The following FAM228A variants were observed in gnomAD, a reference collection of about 807,000 sequenced individuals.
FAM228A encodes the protein family with sequence similarity 228 member A.
FAM228A carries 13 observed loss-of-function variants against 18.6 expected under a neutral mutation model. The ratio of observed to expected loss-of-function variants is 0.70; its 90% CI spans 0.45 to 1.11. The LOEUF (loss-of-function observed/expected upper bound fraction) is 1.11. Among genes scored for constraint, FAM228A ranks in the 50% least tolerant of loss-of-function variants. FAM228A has a pLI of 0.00. For synonymous variants in FAM228A, 77 were observed against 86.6 expected (o/e 0.89, Z 0.61); for missense variants, 240 against 242.2 (o/e 0.99, Z 0.06).
chr2:24,180,024 T>G (rs891033498), intron 3 of FAM228A, among the ~76,000 whole-genome samples: 3 of 152,250 alleles, frequency 2.0e-5, no homozygotes, highest in African/African-American at 7.2e-5. Flanking sequence ...AAATTTGGTT[T>G]CTTAATTTAG....
At chr2:24,178,981 G>T in intron 3 of FAM228A, 1 of 203,350 alleles carries the variant, frequency 4.9e-6, no homozygotes, top group Non-Finnish European at 1.1e-5. Context: ...ATCTTATACT[G>T]GGACTTTGCA....
At chr2:24,178,879 C>G (rs1413127057) in intron 3 of FAM228A, among the ~76,000 whole-genome samples, 1 of 152,190 alleles carries the variant, frequency 6.6e-6, no homozygotes, top group Non-Finnish European at 1.5e-5. Flanking sequence ...GTGGTTAAAT[C>G]TGAAGGCACA....
intron 1 of FAM228A, 34 bp downstream of exon 1, chr2:24,175,208 C>T: frequency 2.4e-6 from 1 of 412,226 alleles, no homozygotes; most frequent in South Asian, 2.5e-5. Flanking sequence ...GCCTGGGGGT[C>T]GCGGAGCCCA....
At chr2:24,179,804 C>T (rs1429413954) in intron 3 of FAM228A, among the ~76,000 whole-genome samples, 1 of 152,122 alleles carries the variant, frequency 6.6e-6, no homozygotes, top group Non-Finnish European at 1.5e-5. Flanking sequence ...CCCAGAGGCC[C>T]CTAGCCAACT....
chr2:24,175,382 G>T, intron 1 of FAM228A, 85 bp from the exon 2 acceptor site: 1 of 969,840 alleles, frequency 1.0e-6, no homozygotes, highest in Non-Finnish European at 1.6e-6. Context: ...GGGCCGAGCG[G>T]GATTTGAACA....
intron 2 of FAM228A, 124 bp from the exon 3 acceptor site, chr2:24,177,678 A>G (rs931580918): frequency 7.1e-6 from 4 of 563,800 alleles, no homozygotes; most frequent in Admixed American, 7.1e-5. Context: ...AATTTTCCAT[A>G]TTTTTATGTT....
rs1668075519 is a variant in FAM228A at position 24,191,175 on chromosome 2, C to T, written c.*544C>T. 1 of 985,594 alleles carries T rather than the reference C, an allele frequency of 1.0e-6. No homozygotes were observed. The highest frequency in any genetic ancestry group is 4.7e-5 in the South Asian group (1 of 21,300). The allele number at this position is 985,594 out of a possible 1,614,324, so 61.1% of individuals were successfully genotyped here. ...GTTTTCAGCTCCTGGTCTATTTCCCCTTCCATTCTCTCCGCCACGCCCTGT... is the reference window on the plus strand; with the variant it reads ...GTTTTCAGCTCCTGGTCTATTTCCCTTTCCATTCTCTCCGCCACGCCCTGT... On this transcript the variant is annotated 3_prime_UTR_variant, in exon 6 of 6. Transcript: ENST00000295150.
Position 24,187,026 on chromosome 2 carries a change from A to T in FAM228A, c.401+3381A>T, listed in dbSNP as rs752308599. On this transcript the variant is annotated intron_variant, in intron 5 of 5. Coordinates refer to ENST00000295150, the MANE Select transcript of FAM228A (RefSeq NM_001040710.3). The stretch of plus-strand genomic sequence containing the variant: ...AATGTAGAGAGTGCAACACATTCCT[A>T]TGTACCTATCACCCAGGTTCAGCAG... Among the ~76,000 whole-genome samples the T allele has an allele frequency of 2.0e-5, 3 of 152,140 alleles. 1 individual carries two copies. The highest frequency in any genetic ancestry group is 4.4e-5 in the Non-Finnish European group (3 of 68,034).
chr2:24,190,961 T>C lies in FAM228A; in HGVS notation c.*330T>C, dbSNP rs1222704443. Reference sequence around the variant, plus strand: ...CACTTTCCTACCATTTTCCACTTACTCCATCCAAACTGCACCAAAGATGGT... The same window carrying C: ...CACTTTCCTACCATTTTCCACTTACCCCATCCAAACTGCACCAAAGATGGT... On this transcript the variant is annotated 3_prime_UTR_variant, in exon 6 of 6. Transcript: ENST00000295150. 1 of 1,059,576 alleles carries C rather than the reference T, an allele frequency of 9.4e-7. No homozygotes were observed. Among genetic ancestry groups the C allele is most frequent in the Admixed American group, 5.1e-5 (1 of 19,672 alleles). The allele number at this position is 1,059,576 out of a possible 1,614,324, so 65.6% of individuals were successfully genotyped here.
rs2151050615 is a variant in FAM228A, at chr2:24,190,865, C to T, written c.*234C>T. 6 of 1,219,574 alleles carry T rather than the reference C, an allele frequency of 4.9e-6. No homozygotes were observed. Among genetic ancestry groups the T allele is most frequent in the Non-Finnish European group, 6.1e-6 (6 of 977,346 alleles). 75.5% of individuals were successfully genotyped at this position (1,219,574 alleles called of 1,614,324 possible). A position where few individuals can be genotyped will look rare whatever the true frequency, so the allele number is the denominator to read the frequency against. ...ACATCCTGTCCTTCCGAGGTGAGGG[C>T]CAACCTGGCCACAGGGGCTTTTCCC... On this transcript the variant is annotated 3_prime_UTR_variant, in exon 6 of 6. Coordinates refer to ENST00000295150, the MANE Select transcript of FAM228A (RefSeq NM_001040710.3).
Position 24,190,716 on chromosome 2 carries a change from GGAGA to G in FAM228A, c.*86_*89del, listed in dbSNP as rs1668063224. On this transcript the variant is annotated 3_prime_UTR_variant, in exon 6 of 6. Transcript: ENST00000295150. ...AGAAGAAGGGTGTGAAGAGGAGGAG[GGAGA>G]AATGGCGGTGGCCTCAGGCTCAGCA... 1.4e-6 allele frequency: 2 copies of G among 1,442,090 alleles called. No individual in the cohort carries two copies. Among genetic ancestry groups the G allele is most frequent in the East Asian group, 5.0e-5 (2 of 40,216 alleles). 89.3% of individuals were successfully genotyped at this position (1,442,090 alleles called of 1,614,324 possible). A position where few individuals can be genotyped will look rare whatever the true frequency, so the allele number is the denominator to read the frequency against.
intron 3 of FAM228A, chr2:24,179,190 A>G: frequency 8.6e-7 from 1 of 1,156,186 alleles, no homozygotes; most frequent in Non-Finnish European, 1.1e-6. Flanking sequence ...TGGGTTGAAA[A>G]TGTTGCAGAG....
At chr2:24,178,267 A>G (rs1311381220) in intron 3 of FAM228A, among the ~76,000 whole-genome samples, 1 of 152,232 alleles carries the variant, frequency 6.6e-6, no homozygotes, top group Non-Finnish European at 1.5e-5. Flanking sequence ...TCACTACGAA[A>G]TTAGCTTAAG....
intron 3 of FAM228A, among the ~76,000 whole-genome samples, chr2:24,181,645 C>G (rs1402081635): frequency 2.6e-5 from 4 of 152,164 alleles, no homozygotes; most frequent in Non-Finnish European, 5.9e-5. Context: ...CTTGGCTTCC[C>G]AAAGTGCTGG....
chr2:24,175,681 G>C, intron 2 of FAM228A, 108 bp downstream of exon 2: 2 of 885,734 alleles, frequency 2.3e-6, no homozygotes, highest in Non-Finnish European at 3.6e-6. Flanking sequence ...GACAGTGCCT[G>C]CTTTAAAGCA....
At position 24,183,592 on chromosome 2, in the gene FAM228A, A is replaced by C; in HGVS notation, c.348A>C (p.Pro116=). ...CTTTCACTTCACACTGTGTGATTCC[A>C]AAAGAGTGGCATAAAGCCTCTGCAA... ...YFTFTSHCVI[P]KEWHKASARA... is the part of the protein sequence containing the mutation. The change falls in exon 5 of 6, where the codon CCA becomes CCC. Residue 116 remains proline (P), a synonymous_variant. Coordinates refer to ENST00000295150, the MANE Select transcript of FAM228A (RefSeq NM_001040710.3). 1 of 1,613,956 alleles carries C rather than the reference A, an allele frequency of 6.2e-7. No homozygotes were observed. Among genetic ancestry groups the C allele is most frequent in the Non-Finnish European group, 8.5e-7 (1 of 1,179,856 alleles).
intron 3 of FAM228A, among the ~76,000 whole-genome samples, chr2:24,180,287 T>A (rs1333501059): frequency 3.2e-5 from 1 of 30,862 alleles, no homozygotes; most frequent in East Asian, 9.0e-4. Flanking sequence ...AAAACCCGTC[T>A]GTACAAAAAA....
Position 24,175,522 on chromosome 2 carries a change from G to A in FAM228A, c.42G>A (p.Arg14=). 1 of 1,614,234 alleles carries A rather than the reference G, an allele frequency of 6.2e-7. No homozygotes were observed. The highest frequency in any genetic ancestry group is 1.1e-5 in the South Asian group (1 of 91,090). The change falls in exon 2 of 6, where the codon AGG becomes AGA. Residue 14 remains arginine, a synonymous_variant. Coordinates refer to ENST00000295150, the MANE Select transcript of FAM228A (RefSeq NM_001040710.3). ...TKTASYDEHF[R]PEKLREWPEP... is the part of the protein sequence containing the mutation. ...CTGCGAGTTATGATGAACATTTCAG[G>A]CCAGAAAAGTTAAGAGAATGGCCGG...
At chr2:24,175,802 G>C (rs1667671387) in intron 2 of FAM228A, 1 of 963,792 alleles carries the variant, frequency 1.0e-6, no homozygotes, top group African/African-American at 1.7e-5. Context: ...AGCCGGGCGG[G>C]TGAAGGCAGC....
Sources: gnomAD v4.1 joint callset for allele counts (sites outside exome capture counted in the v4.1 genomes callset) on GRCh38, gnomAD v4.1.1 for gene constraint, MANE v1.5 for transcripts, NCBI Gene and HGNC (gene_info 2026-07-23, HGNC 2026-07-21) for gene names.